The following PPP2R2B variants were observed in gnomAD, a reference collection of about 807,000 sequenced individuals.
PPP2R2B encodes serine/threonine-protein phosphatase 2A 55 kDa regulatory subunit B beta isoform.
A neutral mutation model predicts 46.0 loss-of-function variants in PPP2R2B; 5 were observed. That is an observed-to-expected ratio of 0.11 (90% confidence interval 0.06 to 0.23). The LOEUF (loss-of-function observed/expected upper bound fraction) is 0.23. PPP2R2B is among the 10% of genes least tolerant of loss of function. The pLI is 1.00. For synonymous variants in PPP2R2B, 215 were observed against 206.7 expected (o/e 1.04, Z -0.34); for missense variants, 367 against 575.0 (o/e 0.64, Z 3.70).
intron 5 of PPP2R2B, among the ~76,000 whole-genome samples, chr5:146,687,664 T>C (rs1270671767): frequency 6.6e-6 from 1 of 152,202 alleles, no homozygotes. Context: ...AGTTATGATA[T>C]TGAGCAGGGG....
At chr5:146,724,949 A>C (rs1266469545) in intron 2 of PPP2R2B, among the ~76,000 whole-genome samples, 3 of 152,162 alleles carry the variant, frequency 2.0e-5, no homozygotes, top group Non-Finnish European at 4.4e-5. Flanking sequence ...ACAGTTAGGA[A>C]GGGAGAACAC....
chr5:146,803,638 A>G (rs563974346), intron 2 of PPP2R2B, among the ~76,000 whole-genome samples: 2 of 152,306 alleles, frequency 1.3e-5, no homozygotes, highest in South Asian at 2.1e-4. Flanking sequence ...TCAAAGCCCT[A>G]TGACATGTGC....
At chr5:146,649,508 G>A (rs1372603105) in intron 6 of PPP2R2B, among the ~76,000 whole-genome samples, 2 of 151,046 alleles carry the variant, frequency 1.3e-5, no homozygotes, top group Non-Finnish European at 2.9e-5. Flanking sequence ...GCAGTGGTAC[G>A]ATCTCGGCTT....
intron 2 of PPP2R2B, among the ~76,000 whole-genome samples, chr5:146,856,332 G>A (rs1760662106): frequency 2.6e-5 from 4 of 152,250 alleles, no homozygotes; most frequent in Non-Finnish European, 5.9e-5. Flanking sequence ...TTTAAAAAAT[G>A]TAAATTAACT....
rs138318279 is a variant in PPP2R2B, at chr5:146,952,894, A to G, written c.79+102771T>C. ...GGTTATCCACTTCAGACAAAATGTT[A>G]GCAAATGAATAGAAACAGCAGATAA... On this transcript the variant is annotated intron_variant, in intron 1 of 8. Coordinates refer to the PPP2R2B transcript ENST00000336640. 1.6e-4 allele frequency among the ~76,000 whole-genome samples: 25 copies of G among 152,330 alleles called. No individual in the cohort carries two copies. The East Asian group carries it at 4.8e-3, about 29-fold the overall frequency.
intron 5 of PPP2R2B, among the ~76,000 whole-genome samples, chr5:146,663,614 T>C (rs1776806719): frequency 6.6e-6 from 1 of 152,194 alleles, no homozygotes; most frequent in South Asian, 2.1e-4. Context: ...TACTATACTG[T>C]AGTCTATTAA....
intron 2 of PPP2R2B, among the ~76,000 whole-genome samples, chr5:146,702,102 T>C (rs1779576978): frequency 2.0e-5 from 3 of 150,432 alleles, no homozygotes; most frequent in Admixed American, 6.6e-5. Flanking sequence ...GACTATGGCC[T>C]TTGACAGGAA....
chr5:147,025,312 G>T (rs1195700754), intron 1 of PPP2R2B, among the ~76,000 whole-genome samples: 2 of 151,718 alleles, frequency 1.3e-5, no homozygotes, highest in East Asian at 1.9e-4. Flanking sequence ...GATCCAAATG[G>T]TTGCAATAAT....
intron 2 of PPP2R2B, among the ~76,000 whole-genome samples, chr5:146,796,147 T>G (rs1756521851): frequency 6.6e-6 from 1 of 152,166 alleles, no homozygotes; most frequent in Non-Finnish European, 1.5e-5. Flanking sequence ...GTCATTGCAA[T>G]GATATGACAT....
intron 1 of PPP2R2B, among the ~76,000 whole-genome samples, chr5:146,923,340 C>T (rs1763673633): frequency 6.6e-6 from 1 of 152,190 alleles, no homozygotes; most frequent in African/African-American, 2.4e-5. Flanking sequence ...CCTGTCAGAG[C>T]CTAAGTAGAA....
At chr5:146,801,725 G>A (rs1179369837) in intron 2 of PPP2R2B, among the ~76,000 whole-genome samples, 6 of 152,208 alleles carry the variant, frequency 3.9e-5, no homozygotes, top group Admixed American at 3.3e-4. Flanking sequence ...CTTAATAAGG[G>A]TGCTATGAGA....
intron 1 of PPP2R2B, among the ~76,000 whole-genome samples, chr5:146,910,271 A>T (rs1041343564): frequency 2.6e-5 from 4 of 152,182 alleles, no homozygotes; most frequent in African/African-American, 9.6e-5. Flanking sequence ...GATAGAAAAA[A>T]ATTTGAAGGC....
chr5:147,015,362 T>G, intron 1 of PPP2R2B, among the ~76,000 whole-genome samples: 2 of 151,776 alleles, frequency 1.3e-5, no homozygotes, highest in Middle Eastern at 6.8e-3. Context: ...TCTACTGACA[T>G]TTGAATTTTC....
intron 2 of PPP2R2B, among the ~76,000 whole-genome samples, chr5:146,718,645 T>C (rs921451338): frequency 5.3e-5 from 8 of 152,212 alleles, no homozygotes; most frequent in Non-Finnish European, 8.8e-5. Flanking sequence ...CACACCCTTC[T>C]GCTACTTAAA....
chr5:146,690,513 G>C (rs1463231225), intron 5 of PPP2R2B, among the ~76,000 whole-genome samples: 1 of 152,114 alleles, frequency 6.6e-6, no homozygotes. Flanking sequence ...GTATTTCTGA[G>C]GAACAGGAAG....
intron 4 of PPP2R2B, among the ~76,000 whole-genome samples, chr5:146,696,647 T>C (rs1779199101): frequency 6.6e-6 from 1 of 152,094 alleles, no homozygotes; most frequent in South Asian, 2.1e-4. Context: ...AAATCAGGAT[T>C]GCAAAACATA....
chr5:146,926,886 C>T (rs1369364456), intron 1 of PPP2R2B, among the ~76,000 whole-genome samples: 1 of 152,194 alleles, frequency 6.6e-6, no homozygotes, highest in Non-Finnish European at 1.5e-5. Context: ...ACAACTGCAA[C>T]TTCAGGCTGA....
At chr5:146,808,845 T>C (rs1203740864) in intron 2 of PPP2R2B, among the ~76,000 whole-genome samples, 3 of 152,236 alleles carry the variant, frequency 2.0e-5, no homozygotes, top group Non-Finnish European at 4.4e-5. Flanking sequence ...TGTTGGAGTT[T>C]GCAATCAACA....
At chr5:146,651,048 T>C (rs1486163354) in intron 5 of PPP2R2B, among the ~76,000 whole-genome samples, 1 of 152,148 alleles carries the variant, frequency 6.6e-6, no homozygotes, top group Admixed American at 6.5e-5. Context: ...TCCAGAGACA[T>C]TGTTCTATTT....
Sources: gnomAD v4.1 joint callset for allele counts (sites outside exome capture counted in the v4.1 genomes callset) on GRCh38, gnomAD v4.1.1 for gene constraint, MANE v1.5 for transcripts, NCBI Gene and HGNC (gene_info 2026-07-23, HGNC 2026-07-21) for gene names.